The following ZNF831 variants were observed in gnomAD, a reference collection of about 807,000 sequenced individuals.
ZNF831 encodes the protein zinc finger protein 831.
ZNF831 carries 59 observed loss-of-function variants against 95.8 expected under a neutral mutation model. The observed-to-expected ratio is 0.62, with a 90% confidence interval of 0.50 to 0.77. ZNF831 has a LOEUF of 0.77. ZNF831 is among the 30% of genes least tolerant of loss of function. The pLI is 0.00. For missense variants in ZNF831, 2,205 were observed against 2,164.0 expected (o/e 1.02, Z -0.38); for synonymous variants, 961 against 925.5 (o/e 1.04, Z -0.70).
At position 59,205,417 on chromosome 20, in the gene ZNF831, C is replaced by G. The variant is rs573065962; in HGVS notation, c.3876-1488C>G. On this transcript the variant is annotated intron_variant, in intron 3 of 5. Transcript: ENST00000371030. ...CCACCAAACTAACCTCCCCTCCCCC[C>G]AGCCGGGGAATGACAGCTCCTGCCC... Among the ~76,000 whole-genome samples the G allele has an allele frequency of 4.6e-5, 7 of 152,330 alleles. No homozygotes were observed. The South Asian group carries it at 1.2e-3, about 27-fold the overall frequency.
At chr20:59,237,687 A>G (rs259970) in intron 4 of ZNF831, among the ~76,000 whole-genome samples, 75,916 of 151,984 alleles carry the variant, frequency 0.5, 19,978 homozygotes, top group African/African-American at 0.67. Context: ...GGCTGTCAGG[A>G]CCATTTCCAT....
At chr20:59,138,114 A>G (rs898948666) in intron 1 of ZNF831, among the ~76,000 whole-genome samples, 1 of 152,226 alleles carries the variant, frequency 6.6e-6, no homozygotes, top group Non-Finnish European at 1.5e-5. Flanking sequence ...ATTAACACCG[A>G]TTTTGGAGCA....
chr20:59,154,937 A>G (rs1980451558), intron 2 of ZNF831, among the ~76,000 whole-genome samples: 1 of 151,960 alleles, frequency 6.6e-6, no homozygotes, highest in Non-Finnish European at 1.5e-5. Context: ...CACTTCACTC[A>G]TGTACATATT....
Position 59,217,445 on chromosome 20 carries a change from C to T in ZNF831, c.4027+10389C>T, listed in dbSNP as rs1400171511. ...ACTGTTTATATCTCCTTAGCCCAGG[C>T]AGGGTTTGCTCTAGGGAATAACCAA... On this transcript the variant is annotated intron_variant, in intron 4 of 5. Transcript: ENST00000371030. This position sits in a 1 kb window ranked among gnomAD's most constrained non-coding sequence, Gnocchi z 4.4. Among the ~76,000 whole-genome samples the T allele has an allele frequency of 6.6e-6, 1 of 152,224 alleles. No individual in the cohort carries two copies. Among genetic ancestry groups the T allele is most frequent in the Admixed American group, 6.5e-5 (1 of 15,292 alleles).
At chr20:59,221,170 C>T (rs1250357013) in intron 4 of ZNF831, among the ~76,000 whole-genome samples, 1 of 152,146 alleles carries the variant, frequency 6.6e-6, no homozygotes, top group African/African-American at 2.4e-5. Flanking sequence ...AATTTTCCCC[C>T]CAGGTCTGGA....
At chr20:59,219,078 G>A (rs1017357018) in intron 4 of ZNF831, among the ~76,000 whole-genome samples, 6 of 152,156 alleles carry the variant, frequency 3.9e-5, no homozygotes, top group Non-Finnish European at 8.8e-5. Context: ...GTGGGGGTCA[G>A]GCAAGTAATC....
At chr20:59,210,517 C>G (rs956849804) in intron 4 of ZNF831, among the ~76,000 whole-genome samples, 17 of 152,358 alleles carry the variant, frequency 1.1e-4, no homozygotes, top group African/African-American at 3.6e-4. Flanking sequence ...TCCCCCTCCA[C>G]AGGGGACACA....
In ZNF831 at chr20:59,194,125, G is replaced by A. The variant is rs749543585; in HGVS notation, c.3106G>A (p.Ala1036Thr). 2.1e-5 allele frequency: 33 copies of A among 1,560,236 alleles called. No individual in the cohort carries two copies. In the East Asian group the frequency reaches 6.5e-4, roughly 31 times the overall value. Reference protein sequence around the residue: ...KGDRMATSRPAARELPISAPG... With the variant: ...KGDRMATSRPTARELPISAPG... ...GGACAGGATGGCCACTAGCAGGCCA[G>A]CAGCCAGGGAGTTGCCCATCTCAGC... The change falls in exon 2 of 6, where the codon GCA becomes ACA. Residue 1036 changes from alanine to threonine, a missense_variant. Ala to Thr is a moderately conservative substitution (Grantham distance 58). Coordinates refer to ENST00000371030, the MANE Select transcript of ZNF831 (RefSeq NM_178457.3).
At chr20:59,142,437 G>A (rs2031637790) in intron 1 of ZNF831, among the ~76,000 whole-genome samples, 1 of 152,178 alleles carries the variant, frequency 6.6e-6, no homozygotes, top group Non-Finnish European at 1.5e-5. Context: ...TCTGGTTTGT[G>A]TTCTCTTCTT....
chr20:59,184,446 A>G (rs1982854652), intron 1 of ZNF831, among the ~76,000 whole-genome samples: 1 of 151,840 alleles, frequency 6.6e-6, no homozygotes. Flanking sequence ...GATACAACAT[A>G]CATAAAATAT....
At chr20:59,174,360 C>T (rs377744283) in intron 1 of ZNF831, among the ~76,000 whole-genome samples, 2 of 152,282 alleles carry the variant, frequency 1.3e-5, no homozygotes, top group African/African-American at 4.8e-5. Context: ...ATAATGGTTG[C>T]TCTAGGTATT....
intron 4 of ZNF831, among the ~76,000 whole-genome samples, chr20:59,226,063 C>T (rs1356071571): frequency 6.6e-6 from 1 of 152,150 alleles, no homozygotes; most frequent in African/African-American, 2.4e-5. Context: ...GTTCAAAATC[C>T]CATCATCAGT....
At chr20:59,250,948 GA>G (rs534563508) in intron 4 of ZNF831, among the ~76,000 whole-genome samples, 2 of 151,158 alleles carry the variant, frequency 1.3e-5, no homozygotes, top group Admixed American at 6.6e-5. Flanking sequence ...AAACAGAAGG[GA>G]AAAAAAATCA....
chr20:59,165,160 C>G (rs534750407), intron 1 of ZNF831, among the ~76,000 whole-genome samples: 7 of 152,192 alleles, frequency 4.6e-5, no homozygotes, highest in East Asian at 3.9e-4. Flanking sequence ...GAGGGTTGGT[C>G]CTGAAGGAGG....
At chr20:59,229,558 A>G (rs868794475) in intron 4 of ZNF831, among the ~76,000 whole-genome samples, 14 of 152,288 alleles carry the variant, frequency 9.2e-5, no homozygotes, top group African/African-American at 1.2e-4. Context: ...CATACCTTCT[A>G]CTTTAGGCAT....
intron 3 of ZNF831, among the ~76,000 whole-genome samples, chr20:59,201,055 C>T (rs569541258): frequency 2.0e-5 from 3 of 152,234 alleles, no homozygotes; most frequent in East Asian, 1.9e-4. Context: ...AAAGAAGCTG[C>T]CAAATTGTTT....
At position 59,191,010 on chromosome 20, in the gene ZNF831, A is replaced by T. The variant is rs770619396; in HGVS notation, c.-10A>T. The stretch of plus-strand genomic sequence containing the variant: ...TTTTCCAGCATTGTGGGCCATCCAG[A>T]TGATGCGGAATGGAGGTTCCAGAAC... On this transcript the variant is annotated 5_prime_UTR_variant, in exon 2 of 6. An upstream start codon of the reference 5' UTR is lost. Transcript: ENST00000371030. 22 of 1,472,794 alleles carry T rather than the reference A, an allele frequency of 1.5e-5. No individual in the cohort carries two copies. Among genetic ancestry groups the T allele is most frequent in the Non-Finnish European group, 2.0e-5 (22 of 1,120,538 alleles). 91.2% of individuals were successfully genotyped at this position (1,472,794 alleles called of 1,614,324 possible).
In ZNF831 at chr20:59,137,678, A is replaced by G. The variant is rs181460672; in HGVS notation, c.-1424-8553A>G. Among the ~76,000 whole-genome samples the G allele has an allele frequency of 4.8e-3, 726 of 152,300 alleles. 1 individual carries two copies. Among genetic ancestry groups the G allele is most frequent in the Non-Finnish European group, 7.2e-3 (488 of 68,012 alleles). ...ATGGCAGTATCATGAACATGGCCAC[A>G]TCCTGGCAGAAGCTCCAGGCAGGTG... On this transcript the variant is annotated intron_variant, in intron 1 of 7. Coordinates refer to the ZNF831 transcript ENST00000637017.
At chr20:59,185,335 A>G (rs1424104848) in intron 1 of ZNF831, among the ~76,000 whole-genome samples, 2 of 152,168 alleles carry the variant, frequency 1.3e-5, no homozygotes, top group Non-Finnish European at 2.9e-5. Flanking sequence ...CAGGCTGCAG[A>G]GAGCACAAAA....
Sources: gnomAD v4.1 joint callset for allele counts (sites outside exome capture counted in the v4.1 genomes callset) on GRCh38, gnomAD v4.1.1 for gene constraint, Gnocchi (gnomAD v3.1) non-coding constraint, MANE v1.5 for transcripts, NCBI Gene and HGNC (gene_info 2026-07-23, HGNC 2026-07-21) for gene names.